LZTS2: variants seen among roughly 807,000 people sequenced by gnomAD.
The protein encoded by LZTS2 is leucine zipper putative tumor suppressor 2.
In LZTS2, 32 loss-of-function variants were observed where a neutral mutation model predicts 60.6. The ratio of observed to expected loss-of-function variants is 0.53; its 90% CI spans 0.40 to 0.71. LZTS2 has a LOEUF of 0.71. Among genes scored for constraint, LZTS2 ranks in the 30% least tolerant of loss-of-function variants. The pLI is 0.00. For missense variants in LZTS2, 792 were observed against 901.9 expected, an observed-to-expected ratio of 0.88 and a Z score of 1.56; for synonymous variants, 360 against 393.1, an observed-to-expected ratio of 0.92 and a Z score of 1.00.
In LZTS2 at chr10:101,003,861, G is replaced by A. The variant is rs778276719; in HGVS notation, c.763G>A (p.Gly255Arg). Residue 255 changes from glycine (G) to arginine (R), a missense_variant, in exon 2 of 4, where the codon GGG (glycine) becomes AGG (arginine). Physicochemically the swap from Gly to Arg is moderately radical, Grantham distance 125 (BLOSUM62 -2). Coordinates refer to ENST00000370220, the Ensembl canonical transcript of LZTS2. ...CCTGCCTTCCCATGGCTCTGGGCGA[G>A]GGGCACTGCCTGGGCCAGCCCGAGG... 13 of 1,613,070 alleles carry A rather than the reference G, an allele frequency of 8.1e-6. No individual in the cohort carries two copies. In the East Asian group the frequency reaches 2.9e-4, roughly 36 times the overall value.
At chr10:101,004,538 G>C (rs2133976154) in intron 2 of LZTS2, among the ~76,000 whole-genome samples, 1 of 152,334 alleles carries the variant, frequency 6.6e-6, no homozygotes, top group East Asian at 1.9e-4. Flanking sequence ...AGGAGGAGGA[G>C]GTTACAATGG....
At chr10:101,002,675 G>A (rs138910628) in exon 1 of LZTS2, 24 of 1,608,590 alleles carry the variant, frequency 1.5e-5, no homozygotes, top group South Asian at 3.3e-5. Flanking sequence ...GCTCCTCCCC[G>A]CCACCACGGC....
exon 1 of LZTS2, chr10:100,999,675 T>A (rs1004641848): frequency 1.9e-4 from 29 of 152,078 alleles, no homozygotes; most frequent in African/African-American, 6.8e-4. Flanking sequence ...CCCGGCGGAT[T>A]CGCGTGACGC....
chr10:101,006,353 C>A lies in LZTS2; in HGVS notation c.1327-132C>A, dbSNP rs910486120. ...GACCTTGGACATGTCACTAGACTTGCTTTAGTGTCTCCATCTGTAAAATGG... is the reference window on the plus strand; with the variant it reads ...GACCTTGGACATGTCACTAGACTTGATTTAGTGTCTCCATCTGTAAAATGG... On this transcript the variant is annotated intron_variant, in intron 3 of 3. Transcript: ENST00000370220. 13 of 1,426,696 alleles carry A rather than the reference C, an allele frequency of 9.1e-6. No homozygotes were observed. The African/African-American group carries it at 1.9e-4, about 21-fold the overall frequency. The allele number at this position is 1,426,696 out of a possible 1,614,324, so 88.4% of individuals were successfully genotyped here. A position where few individuals can be genotyped will look rare whatever the true frequency, so the allele number is the denominator to read the frequency against.
chr10:101,002,352 A>G, exon 1 of LZTS2: 1 of 500,912 alleles, frequency 2.0e-6, no homozygotes, highest in Non-Finnish European at 3.4e-6. Context: ...CCCAGGGGGA[A>G]TTGAGATTCA....
exon 1 of LZTS2, chr10:101,001,531 G>A: frequency 6.6e-6 from 1 of 152,250 alleles, no homozygotes; most frequent in East Asian, 1.9e-4. Flanking sequence ...GATGACTTCA[G>A]CAGATGCCTA....
chr10:101,002,655 CG>C lies in LZTS2; in HGVS notation c.123del (p.Pro42GlnfsTer101). 5.0e-6 allele frequency: 8 copies of C among 1,607,774 alleles called. No homozygotes were observed. Among genetic ancestry groups the C allele is most frequent in the East Asian group, 2.2e-5 (1 of 44,794 alleles). On this transcript the variant is annotated frameshift_variant, in exon 1 of 4. Coordinates refer to ENST00000370220, the Ensembl canonical transcript of LZTS2. LOFTEE classifies it high-confidence loss of function. ...GCCTTATCTCAGGCCGGCCCTGTCC[CG>C]GGGGGCCAGCTCCTCCCCGCCACCA... is the stretch of plus-strand genomic sequence containing the variant.
exon 3 of LZTS2, chr10:101,005,577 G>A (rs777695795): frequency 1.2e-6 from 2 of 1,610,852 alleles, no homozygotes; most frequent in South Asian, 2.2e-5. Context: ...AGGTGTTCCA[G>A]CTGCAGCAGG....
At chr10:101,007,399 T>A in exon 4 of LZTS2, 1 of 1,424,406 alleles carries the variant, frequency 7.0e-7, no homozygotes, top group Non-Finnish European at 9.2e-7. Context: ...CCAGAGGCTC[T>A]TGTTACTACC....
exon 1 of LZTS2, chr10:101,000,460 CCGGCT>C (rs1852011157): frequency 6.6e-6 from 1 of 152,300 alleles, no homozygotes; most frequent in Non-Finnish European, 1.5e-5. Context: ...CTCTCAGGGC[CCGGCT>C]CTGTGGCACT....
upstream of LZTS2, chr10:100,998,914 G>T (rs1199505123): frequency 1.3e-5 from 2 of 152,578 alleles, no homozygotes; most frequent in African/African-American, 4.8e-5. Context: ...CCACGTGACG[G>T]CTGAGACTGC....
intron 3 of LZTS2, among the ~76,000 whole-genome samples, chr10:101,006,124 G>A (rs1852183230): frequency 6.6e-6 from 1 of 152,158 alleles, no homozygotes; most frequent in South Asian, 2.1e-4. Flanking sequence ...CTCTTAACTA[G>A]GTCACTGTAG....
chr10:100,999,142 G>A (rs911334509), upstream of LZTS2, among the ~76,000 whole-genome samples: 3 of 152,278 alleles, frequency 2.0e-5, no homozygotes, highest in African/African-American at 7.2e-5. Flanking sequence ...ATCCCGAGGG[G>A]AGGCTGGGGA....
At chr10:101,005,148 C>T (rs922044008) in intron 2 of LZTS2, among the ~76,000 whole-genome samples, 6 of 152,146 alleles carry the variant, frequency 3.9e-5, no homozygotes, top group African/African-American at 9.7e-5. Flanking sequence ...AGACTACAGG[C>T]GCATGCCACC....
chr10:101,002,734 G>A (rs1852068692), exon 1 of LZTS2: 1 of 1,612,860 alleles, frequency 6.2e-7, no homozygotes, highest in Admixed American at 1.7e-5. Flanking sequence ...GCTACGGGGT[G>A]GCTATGAGGC....
rs763538697 is a variant in LZTS2, at chr10:101,005,444, CTT to C, written c.1069-13_1069-12del. On this transcript the variant is annotated splice_polypyrimidine_tract_variant and intron_variant, in intron 2 of 3. Coordinates refer to ENST00000370220, the Ensembl canonical transcript of LZTS2. ...AAAACTGCCCAGGAGCCAGGTCTCT[CTT>C]CTCGCCTGCAGGCATACGAGGAGCG... The C allele has an allele frequency of 1.9e-5, 29 of 1,540,580 alleles. No homozygotes were observed. Among genetic ancestry groups the C allele is most frequent in the Admixed American group, 1.3e-4 (7 of 54,068 alleles).
At chr10:101,002,030 T>C (rs1273619668) in exon 1 of LZTS2, 1 of 152,618 alleles carries the variant, frequency 6.6e-6, no homozygotes, top group Non-Finnish European at 1.5e-5. Flanking sequence ...CTGCCTGGCC[T>C]TGGCTCTTTG....
exon 4 of LZTS2, chr10:101,007,787 T>G (rs1016436770): frequency 2.3e-6 from 1 of 435,640 alleles, no homozygotes; most frequent in Non-Finnish European, 3.1e-6. Context: ...GTAAATTTCT[T>G]GTACAAACCC....
exon 2 of LZTS2, chr10:101,003,676 C>G: frequency 6.2e-7 from 1 of 1,612,168 alleles, no homozygotes; most frequent in Non-Finnish European, 8.5e-7. Context: ...TCCTCCTCTT[C>G]CTCCTCCTCT....
Sources: allele counts gnomAD v4.1 joint callset (sites outside exome capture counted in the v4.1 genomes callset), GRCh38; gene constraint gnomAD v4.1.1; transcripts MANE v1.5; gene names NCBI Gene and HGNC (gene_info 2026-07-23, HGNC 2026-07-21).